IKBKB-DT: variants seen among roughly 807,000 people sequenced by gnomAD.
IKBKB-DT encodes the protein IKBKB divergent transcript.
chr8:42,251,562 G>A (rs1807128888), intron 3 of IKBKB-DT, among the ~76,000 whole-genome samples: 1 of 152,104 alleles, frequency 6.6e-6, no homozygotes, highest in Non-Finnish European at 1.5e-5. Context: ...AAGGAGGCTT[G>A]AAGAAAGTTA....
At chr8:42,234,207 A>C (rs1806889563) in intron 3 of IKBKB-DT, among the ~76,000 whole-genome samples, 1 of 152,206 alleles carries the variant, frequency 6.6e-6, no homozygotes, top group African/African-American at 2.4e-5. Flanking sequence ...GGAGTCAGTT[A>C]AGTTAGACCT....
intron 3 of IKBKB-DT, among the ~76,000 whole-genome samples, chr8:42,235,205 C>CTTTTTTTTTTTTTTTTTTTTTTCT (rs746414963): frequency 1.0e-5 from 1 of 99,402 alleles, no homozygotes; most frequent in African/African-American, 4.0e-5. Flanking sequence ...CTTTTATTTT[C>CTTTTTTTTTTTTTTTTTTTTTTCT]TTTTTTTTTT....
intron 3 of IKBKB-DT, among the ~76,000 whole-genome samples, chr8:42,248,600 G>A (rs1225762310): frequency 2.6e-5 from 4 of 152,068 alleles, no homozygotes; most frequent in Non-Finnish European, 5.9e-5. Context: ...GACCCAAATA[G>A]CCGGCTGCAG....
At chr8:42,250,182 T>A (rs1807114260) in intron 3 of IKBKB-DT, among the ~76,000 whole-genome samples, 1 of 152,128 alleles carries the variant, frequency 6.6e-6, no homozygotes, top group Non-Finnish European at 1.5e-5. Flanking sequence ...GACTAGGTAA[T>A]GATTGCTTGC....
At position 42,236,933 on chromosome 8, in the gene IKBKB-DT, C is replaced by T. The variant is rs1225240794; in HGVS notation, n.1530-3074G>A. Among the ~76,000 whole-genome samples, 4 of 151,654 alleles carry T rather than the reference C, an allele frequency of 2.6e-5. No individual in the cohort carries two copies. The South Asian group carries it at 6.3e-4, about 24-fold the overall frequency. ...CAAGGTCTCACCATGTTGCCCAGGC[C>T]GGTCTTGAGCTCTTGAGTTCAAGTA... On this transcript the variant is annotated intron_variant and non_coding_transcript_variant, in intron 3 of 3. Coordinates refer to ENST00000518213, the Ensembl canonical transcript of IKBKB-DT.
intron 3 of IKBKB-DT, among the ~76,000 whole-genome samples, chr8:42,262,426 T>TTTTTTTTA (rs377710431): frequency 1.4e-5 from 2 of 144,286 alleles, no homozygotes; most frequent in African/African-American, 5.7e-5. Context: ...TACCACATTC[T>TTTTTTTTA]TTTATTTATT....
intron 2 of IKBKB-DT, among the ~76,000 whole-genome samples, chr8:42,264,943 A>G (rs1216962563): frequency 6.7e-6 from 1 of 149,768 alleles, no homozygotes; most frequent in African/African-American, 2.5e-5. Flanking sequence ...GTTTACTGCA[A>G]CCTCTGCCTC....
Position 42,239,634 on chromosome 8 carries a change from ATT to A in IKBKB-DT, n.1530-5777_1530-5776del, listed in dbSNP as rs869222523. On this transcript the variant is annotated intron_variant and non_coding_transcript_variant, in intron 3 of 3. Coordinates refer to ENST00000518213, the Ensembl canonical transcript of IKBKB-DT. Reference sequence around the variant, plus strand: ...GCAATTTATATATATATATATATATATTTATTTATTTATTCATTTTTTTTTTT... The same window carrying A: ...GCAATTTATATATATATATATATATATATTTATTTATTCATTTTTTTTTTT... 4.3e-3 allele frequency among the ~76,000 whole-genome samples: 376 copies of A among 87,408 alleles called. 23 individuals are homozygous for A. The highest frequency in any genetic ancestry group is 0.016 in the South Asian group (42 of 2,582). The allele number at this position is 87,408 out of a possible 152,430, so 57.3% of individuals were successfully genotyped here.
intron 3 of IKBKB-DT, among the ~76,000 whole-genome samples, chr8:42,246,974 C>T (rs1202069711): frequency 6.6e-6 from 1 of 152,166 alleles, no homozygotes; most frequent in Non-Finnish European, 1.5e-5. Flanking sequence ...AGGGTTCCTG[C>T]TCCTAGGAGA....
chr8:42,252,269 C>A (rs1807139516), intron 3 of IKBKB-DT, among the ~76,000 whole-genome samples: 1 of 152,226 alleles, frequency 6.6e-6, no homozygotes. Context: ...AAATCAGACA[C>A]TGCCTCCTCA....
intron 3 of IKBKB-DT, among the ~76,000 whole-genome samples, chr8:42,243,020 TGGCTTAAGGGTAC>T (rs1807023100): frequency 6.6e-6 from 1 of 152,186 alleles, no homozygotes; most frequent in South Asian, 2.1e-4. Flanking sequence ...ATAGGCTTCC[TGGCTTAAGGGTAC>T]GGCTTTGCTC....
intron 3 of IKBKB-DT, among the ~76,000 whole-genome samples, chr8:42,248,208 A>C (rs112879858): frequency 2.6e-5 from 4 of 152,174 alleles, no homozygotes; most frequent in African/African-American, 9.6e-5. Flanking sequence ...ACAAATTACT[A>C]TCTCAGGTAT....
At chr8:42,250,244 G>A (rs1038922435) in intron 3 of IKBKB-DT, among the ~76,000 whole-genome samples, 3 of 152,018 alleles carry the variant, frequency 2.0e-5, no homozygotes, top group African/African-American at 7.3e-5. Flanking sequence ...AGTCCTCCTG[G>A]GCACTGAGTC....
chr8:42,255,034 C>T (rs1294862734), intron 3 of IKBKB-DT, among the ~76,000 whole-genome samples: 2 of 151,290 alleles, frequency 1.3e-5, no homozygotes, highest in African/African-American at 4.9e-5. Context: ...AGGAGCGCGT[C>T]TGCCCAGCTG....
At position 42,240,421 on chromosome 8, in the gene IKBKB-DT, G is replaced by A. The variant is rs1052286288; in HGVS notation, n.1530-6562C>T. Among the ~76,000 whole-genome samples the A allele has an allele frequency of 1.5e-4, 22 of 151,476 alleles. No homozygotes were observed. The East Asian group carries it at 3.3e-3, about 23-fold the overall frequency. On this transcript the variant is annotated intron_variant and non_coding_transcript_variant, in intron 3 of 3. Transcript: ENST00000518213. ...GGGCAGATCACGAGGTCAGGAGATC[G>A]AGACCATCCTGGCTAACACAGTGAA...
At chr8:42,236,246 C>G (rs1806920375) in intron 3 of IKBKB-DT, among the ~76,000 whole-genome samples, 1 of 151,846 alleles carries the variant, frequency 6.6e-6, no homozygotes, top group South Asian at 2.1e-4. Flanking sequence ...AGCAATCCAC[C>G]CACCTTGACC....
chr8:42,256,872 A>G (rs752993575), intron 3 of IKBKB-DT, among the ~76,000 whole-genome samples: 1 of 152,186 alleles, frequency 6.6e-6, no homozygotes, highest in Non-Finnish European at 1.5e-5. Flanking sequence ...CCACATAAGC[A>G]TGGTGGTTCA....
chr8:42,269,446 G>GAGGGA (rs1563280797), intron 1 of IKBKB-DT, among the ~76,000 whole-genome samples: 5 of 10,616 alleles, frequency 4.7e-4, no homozygotes, highest in African/African-American at 1.8e-3. Context: ...GAAGCGAGGG[G>GAGGGA]AGGGGAGGGG....
chr8:42,244,509 T>G (rs1807038978), intron 3 of IKBKB-DT, among the ~76,000 whole-genome samples: 1 of 152,200 alleles, frequency 6.6e-6, no homozygotes, highest in Non-Finnish European at 1.5e-5. Context: ...TTCCTTAAGG[T>G]ATTCCTGTGC....
Sources: gnomAD v4.1 joint callset for allele counts (sites outside exome capture counted in the v4.1 genomes callset) on GRCh38, gnomAD v4.1.1 for gene constraint, MANE v1.5 for transcripts, NCBI Gene and HGNC (gene_info 2026-07-23, HGNC 2026-07-21) for gene names.